Variants in SMARCC1 observed in about 807,000 individuals in gnomAD.
The protein encoded by SMARCC1 is SWI/SNF related BAF chromatin remodeling complex subunit C1, also known as SWI/SNF complex subunit SMARCC1.
SMARCC1 carries 43 observed loss-of-function variants against 147.4 expected under a neutral mutation model. The observed-to-expected ratio is 0.29, with a 90% confidence interval of 0.23 to 0.38. The LOEUF is 0.38. Among genes scored for constraint, SMARCC1 ranks in the 10% least tolerant of loss-of-function variants. The pLI, the probability that SMARCC1 is intolerant of heterozygous loss-of-function variation, is 1.00. For missense variants in SMARCC1, 1,119 were observed against 1,381.1 expected (o/e 0.81, Z 3.01); for synonymous variants, 495 against 484.4 (o/e 1.02, Z -0.29).
At chr3:47,696,495 T>C (rs1236861675) in intron 11 of SMARCC1, among the ~76,000 whole-genome samples, 4 of 152,048 alleles carry the variant, frequency 2.6e-5, no homozygotes, top group East Asian at 1.9e-4. Flanking sequence ...GTAGACTATA[T>C]GCTGTGAAAT....
intron 21 of SMARCC1, among the ~76,000 whole-genome samples, chr3:47,651,441 C>T (rs2033189500): frequency 6.6e-6 from 1 of 152,202 alleles, no homozygotes; most frequent in Non-Finnish European, 1.5e-5. Flanking sequence ...CCTCCCCCAC[C>T]AATCGAGCTA....
rs988087409 is a variant in SMARCC1 at position 47,726,045 on chromosome 3, G to A, written c.646+2980C>T. On this transcript the variant is annotated intron_variant, in intron 6 of 27. Coordinates refer to ENST00000254480, the MANE Select transcript of SMARCC1 (RefSeq NM_003074.4). The stretch of plus-strand genomic sequence containing the variant: ...CCACTGCACTCCAGCCTGGGTAGAA[G>A]AGTGAGACTCTGTCTCAAAAAAAAA... Among the ~76,000 whole-genome samples, 8 of 86,974 alleles carry A rather than the reference G, an allele frequency of 9.2e-5. No homozygotes were observed. In the South Asian group the frequency reaches 2.5e-3, roughly 28 times the overall value. 57.1% of individuals were successfully genotyped at this position (86,974 alleles called of 152,430 possible). A position where few individuals can be genotyped will look rare whatever the true frequency, so the allele number is the denominator to read the frequency against.
intron 2 of SMARCC1, among the ~76,000 whole-genome samples, chr3:47,755,618 G>C (rs142639949): frequency 5.4e-3 from 825 of 151,992 alleles, no homozygotes; most frequent in African/African-American, 0.019. Flanking sequence ...CAGCACTTTG[G>C]GTGGTCAAGG....
chr3:47,770,841 T>C (rs774659713), intron 2 of SMARCC1, among the ~76,000 whole-genome samples: 5 of 152,154 alleles, frequency 3.3e-5, no homozygotes, highest in Non-Finnish European at 7.3e-5. Flanking sequence ...ACTTTTTGGA[T>C]AATAAAAACA....
At chr3:47,676,555 T>C (rs1194134038) in intron 17 of SMARCC1, 74 bp downstream of exon 17, 6 of 1,040,236 alleles carry the variant, frequency 5.8e-6, no homozygotes, top group Non-Finnish European at 8.7e-6. Flanking sequence ...TAATAATAAT[T>C]GTTTCTAAAT....
At chr3:47,749,041 T>G (rs1483548124) in intron 2 of SMARCC1, among the ~76,000 whole-genome samples, 1 of 152,048 alleles carries the variant, frequency 6.6e-6, no homozygotes, top group South Asian at 2.1e-4. Flanking sequence ...ATAAAGAGTA[T>G]CCTGTAATCC....
intron 2 of SMARCC1, among the ~76,000 whole-genome samples, chr3:47,769,947 C>G (rs1576437310): frequency 6.6e-6 from 1 of 152,112 alleles, no homozygotes; most frequent in Admixed American, 6.6e-5. Context: ...AGGCTGGGGC[C>G]GGGCACGGTG....
intron 3 of SMARCC1, among the ~76,000 whole-genome samples, chr3:47,739,450 G>A (rs977100270): frequency 6.6e-6 from 1 of 152,072 alleles, no homozygotes; most frequent in Non-Finnish European, 1.5e-5. Flanking sequence ...CCTCAGCCTT[G>A]AGTAGCTGGG....
At chr3:47,761,219 T>C (rs2034769985) in intron 2 of SMARCC1, among the ~76,000 whole-genome samples, 1 of 152,084 alleles carries the variant, frequency 6.6e-6, no homozygotes, top group Non-Finnish European at 1.5e-5. Context: ...GGTGGATCAG[T>C]TGATCCCTGG....
At chr3:47,645,829 T>C (rs2033114196) in intron 21 of SMARCC1, among the ~76,000 whole-genome samples, 1 of 152,204 alleles carries the variant, frequency 6.6e-6, no homozygotes, top group African/African-American at 2.4e-5. Context: ...TTGAAATCAA[T>C]TCTTTAATTA....
rs373321850 is a variant in SMARCC1, at chr3:47,630,340, C to A, written c.2646+4850G>T. Among the ~76,000 whole-genome samples, 3 of 152,280 alleles carry A rather than the reference C, an allele frequency of 2.0e-5. 1 individual carries two copies. The highest frequency in any genetic ancestry group is 1.5e-5 in the Non-Finnish European group (1 of 68,024). ...ATTCCACCACTGATCTGAAAGGAGG[C>A]AAAACTCAGGCAGTAATGCTTGCTA... On this transcript the variant is annotated intron_variant, in intron 24 of 27. Coordinates refer to ENST00000254480, the MANE Select transcript of SMARCC1 (RefSeq NM_003074.4).
chr3:47,735,950 C>A, intron 5 of SMARCC1, 84 bp downstream of exon 5: 4 of 557,802 alleles, frequency 7.2e-6, no homozygotes, highest in Non-Finnish European at 9.1e-6. Flanking sequence ...CAAAACATTA[C>A]TATGGTTGTC....
At chr3:47,687,886 T>C (rs2033744920) in intron 13 of SMARCC1, among the ~76,000 whole-genome samples, 1 of 152,172 alleles carries the variant, frequency 6.6e-6, no homozygotes, top group African/African-American at 2.4e-5. Context: ...ATCTCAGCTT[T>C]CCAAAATGCT....
intron 24 of SMARCC1, 141 bp from the exon 25 acceptor site, chr3:47,622,482 A>G: frequency 1.3e-6 from 1 of 777,110 alleles, no homozygotes; most frequent in Non-Finnish European, 2.1e-6. Flanking sequence ...ACAATCTAAA[A>G]TAACTGTCTC....
At chr3:47,769,048 TAAAAATACAA>T (rs1478112654) in intron 2 of SMARCC1, among the ~76,000 whole-genome samples, 1 of 149,062 alleles carries the variant, frequency 6.7e-6, no homozygotes, top group Non-Finnish European at 1.5e-5. Context: ...TTGTCTCTAC[TAAAAATACAA>T]AAATAAGCCA....
At chr3:47,733,863 C>CAA (rs35679222) in intron 5 of SMARCC1, among the ~76,000 whole-genome samples, 4 of 72,412 alleles carry the variant, frequency 5.5e-5, no homozygotes, top group African/African-American at 1.9e-4. Flanking sequence ...GACTCTGTCT[C>CAA]AAAAAAAAAA....
At chr3:47,702,884 C>G (rs550782804) in intron 10 of SMARCC1, among the ~76,000 whole-genome samples, 1 of 152,202 alleles carries the variant, frequency 6.6e-6, no homozygotes, top group East Asian at 1.9e-4. Flanking sequence ...AGGCAAGAGC[C>G]ACTGGCTCCT....
intron 25 of SMARCC1, among the ~76,000 whole-genome samples, chr3:47,619,259 G>C (rs991223256): frequency 1.3e-5 from 2 of 152,174 alleles, no homozygotes; most frequent in African/African-American, 4.8e-5. Context: ...GTCTCAAAGG[G>C]TGGATTATCC....
intron 27 of SMARCC1, among the ~76,000 whole-genome samples, 178 bp downstream of exon 27, chr3:47,590,483 T>TG (rs2032159011): frequency 6.6e-6 from 1 of 152,228 alleles, no homozygotes; most frequent in Non-Finnish European, 1.5e-5. Context: ...CCTGTGCACC[T>TG]GTCCATCAGG....
Sources: gnomAD v4.1 joint callset for allele counts (sites outside exome capture counted in the v4.1 genomes callset) on GRCh38, gnomAD v4.1.1 for gene constraint, MANE v1.5 for transcripts, NCBI Gene and HGNC (gene_info 2026-07-23, HGNC 2026-07-21) for gene names.